GAS2: variants seen among roughly 807,000 people sequenced by gnomAD.
GAS2 encodes growth arrest-specific protein 2.
GAS2 carries 20 observed loss-of-function variants against 37.5 expected under a neutral mutation model. That is an observed-to-expected ratio of 0.53 (90% CI 0.37 to 0.77). The LOEUF (loss-of-function observed/expected upper bound fraction) is 0.77, where lower values mean the gene tolerates loss of function less well. Ranked by LOEUF, GAS2 falls within the 30% of genes least tolerant of loss-of-function variation. The probability of loss-of-function intolerance (pLI) is 0.00; values close to 1 mark genes in which losing one functional copy is unlikely to be tolerated. For synonymous variants in GAS2, 144 were observed against 132.2 expected (o/e 1.09, Z -0.61); for missense variants, 336 against 373.4 (o/e 0.90, Z 0.82).
At chr11:22,771,725 G>A (rs1184748588) in intron 7 of GAS2, among the ~76,000 whole-genome samples, 1 of 152,050 alleles carries the variant, frequency 6.6e-6, no homozygotes, top group African/African-American at 2.4e-5. Flanking sequence ...CTTAAAACTA[G>A]ATGAACATAT....
At chr11:22,719,975 G>C (rs1424950378) in intron 3 of GAS2, among the ~76,000 whole-genome samples, 1 of 151,942 alleles carries the variant, frequency 6.6e-6, no homozygotes, top group Admixed American at 6.6e-5. Context: ...TGTCCATCTT[G>C]TAAGCCTGAG....
At chr11:22,787,100 A>T (rs998174546) in intron 7 of GAS2, among the ~76,000 whole-genome samples, 5 of 152,288 alleles carry the variant, frequency 3.3e-5, no homozygotes, top group African/African-American at 1.2e-4. Flanking sequence ...CTGATATAAT[A>T]CATTTTTGAG....
intron 3 of GAS2, among the ~76,000 whole-genome samples, chr11:22,688,014 CTTTT>C (rs1203080464): frequency 6.6e-6 from 1 of 152,140 alleles, no homozygotes; most frequent in Non-Finnish European, 1.5e-5. Flanking sequence ...TAAGCCTTTG[CTTTT>C]TTAAAACAGA....
At chr11:22,753,081 A>G (rs1488275917) in intron 6 of GAS2, among the ~76,000 whole-genome samples, 1 of 152,070 alleles carries the variant, frequency 6.6e-6, no homozygotes. Context: ...CCTCTTCTCC[A>G]TCAACTTCCT....
intron 1 of GAS2, among the ~76,000 whole-genome samples, chr11:22,654,812 G>GGTA (rs1347211155): frequency 6.6e-6 from 1 of 152,050 alleles, no homozygotes; most frequent in African/African-American, 2.4e-5. Flanking sequence ...TCCTTGCCCA[G>GGTA]GTAGTATCTC....
intron 1 of GAS2, among the ~76,000 whole-genome samples, chr11:22,639,328 C>G (rs1858881116): frequency 6.6e-6 from 1 of 152,152 alleles, no homozygotes; most frequent in Non-Finnish European, 1.5e-5. Context: ...TTGATTTCCT[C>G]TCTCTCTTGC....
chr11:22,654,741 A>G (rs909522628), intron 1 of GAS2, among the ~76,000 whole-genome samples: 1 of 152,190 alleles, frequency 6.6e-6, no homozygotes, highest in Non-Finnish European at 1.5e-5. Context: ...CATAGGTCCA[A>G]ATGACAATGA....
chr11:22,735,636 G>A lies in GAS2; in HGVS notation c.410-2069G>A, dbSNP rs554508077. ...ATTGATGCATCCTACATGTGAAATT[G>A]TCTTTCTTACAGCACTCACATTATT... On this transcript the variant is annotated intron_variant, in intron 4 of 7. Coordinates refer to ENST00000454584, the MANE Select transcript of GAS2 (RefSeq NM_001143830.3). Among the ~76,000 whole-genome samples, 5 of 151,904 alleles carry A rather than the reference G, an allele frequency of 3.3e-5. No homozygotes were observed. In the East Asian group the frequency reaches 5.8e-4, roughly 18 times the overall value.
chr11:22,688,507 G>T (rs1347335850), intron 3 of GAS2: 2 of 151,892 alleles, frequency 1.3e-5, no homozygotes, highest in African/African-American at 4.8e-5. Flanking sequence ...GTATACATTT[G>T]CCCCAATCTC....
intron 6 of GAS2, among the ~76,000 whole-genome samples, chr11:22,750,852 AT>A (rs772056057): frequency 2.3e-4 from 34 of 150,560 alleles, no homozygotes; most frequent in Middle Eastern, 3.4e-3. Context: ...ACCTTCATTC[AT>A]TTTTTTTTAA....
In GAS2 at chr11:22,748,342, T is replaced by G. The variant is rs138576970; in HGVS notation, c.474-778T>G. ...TCAAATTCTAGAATTATTATTGGCC[T>G]CCCCCACCTAGGTACAGTTGATATG... On this transcript the variant is annotated intron_variant, in intron 5 of 7. Transcript: ENST00000454584. Among the ~76,000 whole-genome samples, 1,432 of 151,884 alleles carry G rather than the reference T, an allele frequency of 9.4e-3. 10 individuals carry two copies. The highest frequency in any genetic ancestry group is 0.013 in the Non-Finnish European group (876 of 67,902).
intron 6 of GAS2, among the ~76,000 whole-genome samples, chr11:22,752,307 G>A (rs1014223712): frequency 2.0e-5 from 3 of 151,736 alleles, no homozygotes; most frequent in African/African-American, 4.8e-5. Flanking sequence ...TTTTACACTG[G>A]GGAAAACTGC....
At chr11:22,661,287 C>T (rs1421974244) in intron 1 of GAS2, among the ~76,000 whole-genome samples, 1 of 152,142 alleles carries the variant, frequency 6.6e-6, no homozygotes, top group African/African-American at 2.4e-5. Context: ...CCCAATGGCA[C>T]CCACTTTTTC....
At chr11:22,793,143 A>C (rs1018542868) in intron 7 of GAS2, among the ~76,000 whole-genome samples, 1 of 152,064 alleles carries the variant, frequency 6.6e-6, no homozygotes, top group African/African-American at 2.4e-5. Flanking sequence ...GTGTGGTGCC[A>C]CACACCTGTA....
intron 3 of GAS2, among the ~76,000 whole-genome samples, chr11:22,724,210 A>C (rs1034280048): frequency 3.9e-5 from 6 of 151,976 alleles, no homozygotes; most frequent in African/African-American, 1.4e-4. Flanking sequence ...TCATAGGAAA[A>C]ATATCTGTTT....
chr11:22,675,040 G>T, intron 2 of GAS2, 26 bp downstream of exon 2: 1 of 1,607,614 alleles, frequency 6.2e-7, no homozygotes, highest in South Asian at 1.1e-5. Flanking sequence ...CTCATTTTGT[G>T]AGCAAAGACA....
intron 1 of GAS2, among the ~76,000 whole-genome samples, chr11:22,660,538 G>T (rs1201612355): frequency 6.6e-6 from 1 of 152,152 alleles, no homozygotes; most frequent in Non-Finnish European, 1.5e-5. Flanking sequence ...TGTGAAAACT[G>T]ATAGTTGAAA....
chr11:22,748,598 G>T (rs74911320), intron 5 of GAS2, among the ~76,000 whole-genome samples: 113 of 152,026 alleles, frequency 7.4e-4, no homozygotes, highest in African/African-American at 2.7e-3. Context: ...CTATGACATT[G>T]TATAACCCAT....
At chr11:22,701,566 C>A (rs142080912) in intron 3 of GAS2, among the ~76,000 whole-genome samples, 1 of 152,062 alleles carries the variant, frequency 6.6e-6, no homozygotes, top group African/African-American at 2.4e-5. Context: ...CGGTGGCTCA[C>A]GCCTGTAATC....
Sources: gnomAD v4.1 joint callset for allele counts (sites outside exome capture counted in the v4.1 genomes callset) on GRCh38, gnomAD v4.1.1 for gene constraint, MANE v1.5 for transcripts, NCBI Gene and HGNC (gene_info 2026-07-23, HGNC 2026-07-21) for gene names.